TCF7L1: variants seen among roughly 807,000 people sequenced by gnomAD.
TCF7L1 encodes transcription factor 7 like 1, also known as transcription factor 7-like 1.
In TCF7L1, 18 loss-of-function variants were observed where a neutral mutation model predicts 63.7. That is an observed-to-expected ratio of 0.28 (90% confidence interval 0.20 to 0.42). The LOEUF is 0.42. Among genes scored for constraint, TCF7L1 ranks in the 10% least tolerant of loss-of-function variants. TCF7L1 has a pLI of 1.00. For missense variants in TCF7L1, 654 were observed against 779.3 expected (o/e 0.84, Z 1.91); for synonymous variants, 355 against 340.9 (o/e 1.04, Z -0.46).
At chr2:85,300,785 T>C (rs1259304157) in intron 4 of TCF7L1, among the ~76,000 whole-genome samples, 4 of 144,980 alleles carry the variant, frequency 2.8e-5, no homozygotes, top group Non-Finnish European at 6.2e-5. Flanking sequence ...ACAAATCTCT[T>C]TTTTTTTTTT....
At chr2:85,273,602 A>T (rs530677508) in intron 3 of TCF7L1, among the ~76,000 whole-genome samples, 2 of 152,172 alleles carry the variant, frequency 1.3e-5, no homozygotes, top group Non-Finnish European at 2.9e-5. Flanking sequence ...CACTCCTCAG[A>T]ACTTAAGTGT....
intron 3 of TCF7L1, among the ~76,000 whole-genome samples, chr2:85,197,251 A>C (rs78765818): frequency 6.6e-6 from 1 of 152,216 alleles, no homozygotes; most frequent in African/African-American, 2.4e-5. Context: ...TCTGTACTAA[A>C]AATACAAAAA....
chr2:85,193,613 A>G (rs551394502), intron 3 of TCF7L1, among the ~76,000 whole-genome samples: 234 of 152,334 alleles, frequency 1.5e-3, no homozygotes, highest in Non-Finnish European at 2.6e-3. Context: ...ATAGTATTCT[A>G]CCAGCGGTAG....
At chr2:85,244,837 A>C (rs72840007) in intron 3 of TCF7L1, among the ~76,000 whole-genome samples, 7,940 of 152,228 alleles carry the variant, frequency 0.052, 288 homozygotes, top group Non-Finnish European at 0.078. Flanking sequence ...AGCCGTGGGC[A>C]CTACAGCTTT....
At chr2:85,285,840 C>G (rs962630216) in intron 4 of TCF7L1, among the ~76,000 whole-genome samples, 2 of 152,188 alleles carry the variant, frequency 1.3e-5, no homozygotes, top group Non-Finnish European at 2.9e-5. Flanking sequence ...GTCTTAGTTT[C>G]TCTCTGCATA....
chr2:85,258,429 G>A (rs570948086), intron 3 of TCF7L1, among the ~76,000 whole-genome samples: 3 of 152,300 alleles, frequency 2.0e-5, no homozygotes, highest in South Asian at 2.1e-4. Context: ...GGGGGCTCGC[G>A]TTTGCCTGGG....
chr2:85,216,504 T>A (rs1679715355), intron 3 of TCF7L1, among the ~76,000 whole-genome samples: 1 of 152,242 alleles, frequency 6.6e-6, no homozygotes, highest in Non-Finnish European at 1.5e-5. Context: ...GAGTTCATCT[T>A]ACCCTTTTTA....
intron 3 of TCF7L1, among the ~76,000 whole-genome samples, chr2:85,209,680 C>T (rs963181529): frequency 3.9e-5 from 6 of 152,104 alleles, no homozygotes; most frequent in Admixed American, 1.3e-4. Context: ...CATTCCAAAG[C>T]GCAGAAGGTG....
chr2:85,234,131 C>CTTTT (rs35508338), intron 3 of TCF7L1, among the ~76,000 whole-genome samples: 513 of 65,064 alleles, frequency 7.9e-3, no homozygotes, highest in African/African-American at 0.021. Context: ...TTTTTCTTTT[C>CTTTT]TTTTTTTTTT....
In TCF7L1 at chr2:85,306,691, C is replaced by A; in HGVS notation, c.1257+132C>A. 1 of 748,798 alleles carries A rather than the reference C, an allele frequency of 1.3e-6. No homozygotes were observed. Among genetic ancestry groups the A allele is most frequent in the Non-Finnish European group, 2.1e-6 (1 of 478,024 alleles). 46.4% of individuals were successfully genotyped at this position (748,798 alleles called of 1,614,324 possible). On this transcript the variant is annotated intron_variant, in intron 10 of 11. Transcript: ENST00000282111. This position sits in a 1 kb window ranked among gnomAD's most constrained non-coding sequence, Gnocchi z 4.3. ...TCTTTTATTTTTTGAGACAGAGGCT[C>A]ACCCTGTCACCCAGGCTGGAGTGCA...
At chr2:85,281,173 G>A (rs1468550769) in intron 3 of TCF7L1, among the ~76,000 whole-genome samples, 4 of 151,968 alleles carry the variant, frequency 2.6e-5, no homozygotes, top group African/African-American at 9.7e-5. Context: ...ACAGGCACAC[G>A]CCACCATGCC....
chr2:85,187,212 A>G (rs1678946681), intron 3 of TCF7L1: 1 of 152,230 alleles, frequency 6.6e-6, no homozygotes, highest in Non-Finnish European at 1.5e-5. Flanking sequence ...TCAGCTAAAG[A>G]AGACCTGATA....
At position 85,238,289 on chromosome 2, in the gene TCF7L1, G is replaced by A. The variant is rs111677177; in HGVS notation, c.442-45206G>A. On this transcript the variant is annotated intron_variant, in intron 3 of 11. Transcript: ENST00000282111. ...GAAGGGGAGGAGCCCCGAAGTCAGG[G>A]CAGGCAGCGGGAGGCGGGCTTAGGA... Among the ~76,000 whole-genome samples, 64 of 152,274 alleles carry A rather than the reference G, an allele frequency of 4.2e-4. 1 individual carries two copies. Among genetic ancestry groups the A allele is most frequent in the African/African-American group, 1.5e-3 (62 of 41,540 alleles).
intron 11 of TCF7L1, among the ~76,000 whole-genome samples, chr2:85,308,205 G>A (rs1345596414): frequency 6.6e-6 from 1 of 152,054 alleles, no homozygotes; most frequent in Non-Finnish European, 1.5e-5. Flanking sequence ...TATATTACCA[G>A]AATCATGCCT....
At chr2:85,209,163 T>A (rs1424307590) in intron 3 of TCF7L1, among the ~76,000 whole-genome samples, 2 of 36,808 alleles carry the variant, frequency 5.4e-5, no homozygotes, top group African/African-American at 1.4e-4. Context: ...CTGGCCTTCG[T>A]TAAGTTAGGC....
intron 4 of TCF7L1, 79 bp downstream of exon 4, chr2:85,283,657 C>T: frequency 6.8e-7 from 1 of 1,462,020 alleles, no homozygotes; most frequent in Admixed American, 1.7e-5. Flanking sequence ...TGCCATCACG[C>T]TGAAGCAGAT....
chr2:85,184,968 G>A (rs183177819), intron 3 of TCF7L1, among the ~76,000 whole-genome samples: 345 of 152,294 alleles, frequency 2.3e-3, no homozygotes, highest in African/African-American at 7.6e-3. Flanking sequence ...AGAGTCAAGG[G>A]CCTGGCCCAG....
At chr2:85,162,745 T>C (rs1169564048) in intron 3 of TCF7L1, among the ~76,000 whole-genome samples, 1 of 152,188 alleles carries the variant, frequency 6.6e-6, no homozygotes, top group African/African-American at 2.4e-5. Context: ...AGCTGTCAGT[T>C]TGTTTCTGGA....
At chr2:85,200,084 A>G (rs1055098143) in intron 3 of TCF7L1, among the ~76,000 whole-genome samples, 1 of 152,156 alleles carries the variant, frequency 6.6e-6, no homozygotes, top group African/African-American at 2.4e-5. Flanking sequence ...TCTGTACTTC[A>G]TTCCATTTTA....
Sources: allele counts gnomAD v4.1 joint callset (sites outside exome capture counted in the v4.1 genomes callset), GRCh38; gene constraint gnomAD v4.1.1; non-coding constraint Gnocchi (gnomAD v3.1); transcripts MANE v1.5; gene names NCBI Gene and HGNC (gene_info 2026-07-23, HGNC 2026-07-21).